C8orf82: variants seen among roughly 807,000 people sequenced by gnomAD.
The protein encoded by C8orf82 is chromosome 8 open reading frame 82.
C8orf82 carries 24 observed loss-of-function variants against 15.0 expected under a neutral mutation model. The observed-to-expected ratio is 1.60, with a 90% CI of 1.16 to 2.24. The LOEUF (loss-of-function observed/expected upper bound fraction) is 2.24, where lower values mean the gene tolerates loss of function less well. Ranked by LOEUF, C8orf82 falls within the 30% of genes most tolerant of loss-of-function variation. The probability of loss-of-function intolerance (pLI) is 0.00; values close to 1 mark genes in which losing one functional copy is unlikely to be tolerated. For synonymous variants in C8orf82, 205 were observed against 152.2 expected (o/e 1.35, Z -2.55); for missense variants, 388 against 317.4 (o/e 1.22, Z -1.69).
At position 144,525,740 on chromosome 8, in the gene C8orf82, C is replaced by T. The variant is rs1244494714; in HGVS notation, c.*1602G>A. On this transcript the variant is annotated 3_prime_UTR_variant, in exon 3 of 3. Transcript: ENST00000524821. Reference sequence around the variant, plus strand: ...TCAGGAGCCATGGGTCTGTGCTTCCCATGCCGGTCCCCAGAAAGGTGTCCT... The same window carrying T: ...TCAGGAGCCATGGGTCTGTGCTTCCTATGCCGGTCCCCAGAAAGGTGTCCT... 3.9e-5 allele frequency: 6 copies of T among 152,124 alleles called. No individual in the cohort carries two copies. The South Asian group carries it at 1.0e-3, about 26-fold the overall frequency. The allele number at this position is 152,124 out of a possible 1,614,324, so 9.4% of individuals were successfully genotyped here.
intron 1 of C8orf82, chr8:144,528,382 CA>C: frequency 6.7e-7 from 1 of 1,498,452 alleles, no homozygotes; most frequent in Non-Finnish European, 8.9e-7. Flanking sequence ...CCCGGACATG[CA>C]GCTGCCTTTT....
chr8:144,527,933 G>C (rs1394041131), intron 2 of C8orf82, 91 bp downstream of exon 2: 4 of 1,513,400 alleles, frequency 2.6e-6, no homozygotes, highest in African/African-American at 1.4e-5. Flanking sequence ...CCACTCCTTG[G>C]TGCGCTGGGC....
Position 144,527,357 on chromosome 8 carries a change from C to A in C8orf82, c.636G>T (p.Ala212=). 1 of 1,211,760 alleles carries A rather than the reference C, an allele frequency of 8.3e-7. No homozygotes were observed. The highest frequency in any genetic ancestry group is 1.0e-6 in the Non-Finnish European group (1 of 970,108). 75.1% of individuals were successfully genotyped at this position (1,211,760 alleles called of 1,614,324 possible). Reference sequence around the variant, plus strand: ...TTGGCCCCGCTCAGGGCGACCGAGCCGCGAGCAGCAGCGGGGCCAGGTCCA... The same window carrying A: ...TTGGCCCCGCTCAGGGCGACCGAGCAGCGAGCAGCAGCGGGGCCAGGTCCA... ...LTMDLAPLLL[A]ARSP The change falls in exon 3 of 3, where the codon GCG becomes GCT. Residue 212 remains alanine, a synonymous_variant. Transcript: ENST00000524821.
intron 2 of C8orf82, 47 bp from the exon 3 acceptor site, chr8:144,527,834 C>T: frequency 1.9e-6 from 3 of 1,577,838 alleles, no homozygotes; most frequent in South Asian, 1.1e-5. Flanking sequence ...GCTCCCAAGG[C>T]CTCCGGGCCC....
At position 144,528,767 on chromosome 8, in the gene C8orf82, C is replaced by T. The variant is rs777942397; in HGVS notation, c.150G>A (p.Gln50=). 41 of 1,413,472 alleles carry T rather than the reference C, an allele frequency of 2.9e-5. No individual in the cohort carries two copies. Among genetic ancestry groups the T allele is most frequent in the Non-Finnish European group, 3.5e-5 (38 of 1,080,376 alleles). 87.6% of individuals were successfully genotyped at this position (1,413,472 alleles called of 1,614,324 possible). Residue 50 remains glutamine, a synonymous_variant, in exon 1 of 3, where the codon CAG becomes CAA. Transcript: ENST00000524821. ...CGGCCCTGCCCCCGCCCACCTGGCC[C>T]TGGTGGTCCACGTAGTAGAAATACT... The part of the protein sequence containing the change: ...TREYFYYVDH[Q]GQLFLDDSKM...
In C8orf82 at chr8:144,528,103, C is replaced by T. The variant is rs746842507; in HGVS notation, c.157-31G>A. 13 of 1,610,644 alleles carry T rather than the reference C, an allele frequency of 8.1e-6. No individual in the cohort carries two copies. The South Asian group carries it at 1.3e-4, about 16-fold the overall frequency. On this transcript the variant is annotated intron_variant, in intron 1 of 2. Coordinates refer to ENST00000524821, the MANE Select transcript of C8orf82 (RefSeq NM_001001795.2). ...GATAGAGGGCCAGGCCGTGATAAGTCCCAGCGTGCAGGTGGGGGCGGGGAA... is the reference window on the plus strand; with the variant it reads ...GATAGAGGGCCAGGCCGTGATAAGTTCCAGCGTGCAGGTGGGGGCGGGGAA...
In C8orf82 at chr8:144,527,526, T is replaced by TG; in HGVS notation, c.466dup (p.His156ProfsTer97). On this transcript the variant is annotated frameshift_variant, in exon 3 of 3. Coordinates refer to ENST00000524821, the MANE Select transcript of C8orf82 (RefSeq NM_001001795.2). LOFTEE classifies it high-confidence loss of function. ...GCCGCCCGCACGCTCCGGCGCCGGG[T>TG]GGTACAGGCGCCCGTTGGCGGCCAG... The TG allele has an allele frequency of 7.3e-7, 1 of 1,364,582 alleles. No homozygotes were observed. The highest frequency in any genetic ancestry group is 9.4e-7 in the Non-Finnish European group (1 of 1,065,062). 84.5% of individuals were successfully genotyped at this position (1,364,582 alleles called of 1,614,324 possible). A position where few individuals can be genotyped will look rare whatever the true frequency, so the allele number is the denominator to read the frequency against.
chr8:144,527,536 G>T lies in C8orf82; in HGVS notation c.457C>A (p.Arg153Ser). 7.2e-7 allele frequency: 1 copy of T among 1,388,660 alleles called. No individual in the cohort carries two copies. The highest frequency in any genetic ancestry group is 9.3e-7 in the Non-Finnish European group (1 of 1,078,476). The allele number at this position is 1,388,660 out of a possible 1,614,324, so 86.0% of individuals were successfully genotyped here. Residue 153 changes from arginine to serine, a missense_variant, in exon 3 of 3, where the codon CGC becomes AGC. Transcript: ENST00000524821. ...CGCTCCGGCGCCGGGTGGTACAGGC[G>T]CCCGTTGGCGGCCAGGGGCAGCAGG... ...ARLLPLAANG[R>S]LYHPAPERAG...
chr8:144,528,708 C>CCCCCCCCCAA, intron 1 of C8orf82, 53 bp downstream of exon 1: 1 of 771,044 alleles, frequency 1.3e-6, no homozygotes, highest in Non-Finnish European at 1.7e-6. Context: ...CCCGCCCCGC[C>CCCCCCCCCAA]CAGAGACCTC....
chr8:144,527,463 C>G lies in C8orf82; in HGVS notation c.530G>C (p.Ser177Thr). 1 of 1,247,394 alleles carries G rather than the reference C, an allele frequency of 8.0e-7. No homozygotes were observed. Among genetic ancestry groups the G allele is most frequent in the Non-Finnish European group, 1.0e-6 (1 of 994,460 alleles). The allele number at this position is 1,247,394 out of a possible 1,614,324, so 77.3% of individuals were successfully genotyped here. A position where few individuals can be genotyped will look rare whatever the true frequency, so the allele number is the denominator to read the frequency against. ...GCCGGGCCCGTACTCGAAGCAGGCG[C>G]TGAGCTCGAAGGCCAGGGCGGAGCG... ...LVRSALAFEL[S>T]ACFEYGPGAP... The change falls in exon 3 of 3, where the codon AGC (serine) becomes ACC (threonine). Residue 177 changes from serine to threonine, a missense_variant. Physicochemically the swap from Ser to Thr is moderately conservative, Grantham distance 58. Transcript: ENST00000524821.
Position 144,526,193 on chromosome 8 carries a change from G to A in C8orf82, c.*1149C>T, listed in dbSNP as rs551306980. 1 of 152,360 alleles carries A rather than the reference G, an allele frequency of 6.6e-6. No homozygotes were observed. The highest frequency in any genetic ancestry group is 1.9e-4 in the East Asian group (1 of 5,190). The allele number at this position is 152,360 out of a possible 1,614,324, so 9.4% of individuals were successfully genotyped here. ...TCTTGCCCTAAATTGTAACTCACAT[G>A]ATTATTTAAAGTCACTAGAAATAAG... On this transcript the variant is annotated 3_prime_UTR_variant, in exon 3 of 3. Transcript: ENST00000524821.
At position 144,527,887 on chromosome 8, in the gene C8orf82, T is replaced by C. The variant is rs2721143; in HGVS notation, c.206-100A>G. On this transcript the variant is annotated intron_variant, in intron 2 of 2. Coordinates refer to ENST00000524821, the MANE Select transcript of C8orf82 (RefSeq NM_001001795.2). ...AGGCGCCGACGGTAAGAGGTTCGCC[T>C]GGCCTCACTCAGCGGGGCTCCTGAG... 24,499 of 1,518,172 alleles carry C rather than the reference T, an allele frequency of 0.016. 2,875 individuals are homozygous for C. In the African/African-American group the frequency reaches 0.27, roughly 17 times the overall value. 94.0% of individuals were successfully genotyped at this position (1,518,172 alleles called of 1,614,324 possible).
Position 144,527,293 on chromosome 8 carries a change from G to T in C8orf82, c.*49C>A. The T allele has an allele frequency of 1.8e-6, 2 of 1,128,942 alleles. No homozygotes were observed. The highest frequency in any genetic ancestry group is 1.6e-5 in the African/African-American group (1 of 60,860). The allele number at this position is 1,128,942 out of a possible 1,614,324, so 69.9% of individuals were successfully genotyped here. On this transcript the variant is annotated 3_prime_UTR_variant, in exon 3 of 3. Coordinates refer to ENST00000524821, the MANE Select transcript of C8orf82 (RefSeq NM_001001795.2). ...CTTTCCGGGGCGTGGAGTCCCGGGG[G>T]AGCGGGGCGAGAGGCGCCCGCGGCC...
intron 2 of C8orf82, 73 bp from the exon 3 acceptor site, chr8:144,527,860 G>A: frequency 3.9e-6 from 6 of 1,552,902 alleles, no homozygotes; most frequent in Non-Finnish European, 5.3e-6. Context: ...CATACCGAGG[G>A]CAGGCGCCGA....
At position 144,526,120 on chromosome 8, in the gene C8orf82, T is replaced by C. The variant is rs527407619; in HGVS notation, c.*1222A>G. The C allele has an allele frequency of 6.6e-6, 1 of 152,316 alleles. No individual in the cohort carries two copies. Among genetic ancestry groups the C allele is most frequent in the Admixed American group, 6.5e-5 (1 of 15,298 alleles). The allele number at this position is 152,316 out of a possible 1,614,324, so 9.4% of individuals were successfully genotyped here. On this transcript the variant is annotated 3_prime_UTR_variant, in exon 3 of 3. Coordinates refer to ENST00000524821, the MANE Select transcript of C8orf82 (RefSeq NM_001001795.2). ...TGCCTGTCCATCAGCTCTTCCTCCTTTCGAGTCATGTGGAAAGGGACAGGA... is the reference window on the plus strand; with the variant it reads ...TGCCTGTCCATCAGCTCTTCCTCCTCTCGAGTCATGTGGAAAGGGACAGGA...
Position 144,527,675 on chromosome 8 carries a change from G to C in C8orf82, c.318C>G (p.Arg106=), listed in dbSNP as rs774939404. 1.9e-6 allele frequency: 3 copies of C among 1,566,778 alleles called. No individual in the cohort carries two copies. Among genetic ancestry groups the C allele is most frequent in the South Asian group, 2.3e-5 (2 of 86,918 alleles). ...TGAAGACCACCGGCCGGTCCTCGCA[G>C]CGCAGGAAGTTGCGCTCTCTGCCGC... ...SPCGRERNFL[R]CEDRPVVFTH... Residue 106 remains arginine (R), a synonymous_variant, in exon 3 of 3, where the codon CGC becomes CGG. Transcript: ENST00000524821.
At position 144,529,098 on chromosome 8, in the gene C8orf82, CGT is replaced by C; in HGVS notation, c.-184_-183del. ...TCGCCCGCCCTGGCCTTCCGAGAGGCGTGTGCCGGTGACGCCCCTTCCGGTCC... is the reference window on the plus strand; with the variant it reads ...TCGCCCGCCCTGGCCTTCCGAGAGGCGTGCCGGTGACGCCCCTTCCGGTCC... On this transcript the variant is annotated 5_prime_UTR_variant, in exon 1 of 3. Coordinates refer to ENST00000524821, the MANE Select transcript of C8orf82 (RefSeq NM_001001795.2). 1 of 543,136 alleles carries C rather than the reference CGT, an allele frequency of 1.8e-6. No individual in the cohort carries two copies. The highest frequency in any genetic ancestry group is 2.9e-6 in the Non-Finnish European group (1 of 341,024). The allele number at this position is 543,136 out of a possible 1,614,324, so 33.6% of individuals were successfully genotyped here.
intron 2 of C8orf82, 46 bp downstream of exon 2, chr8:144,527,978 C>T (rs200345492): frequency 4.8e-4 from 772 of 1,601,402 alleles, no homozygotes; most frequent in Middle Eastern, 1.8e-3. Context: ...TCAGGGGCTG[C>T]CCGGAAGGGA....
rs563293577 is a variant in C8orf82, at chr8:144,529,027, G to A, written c.-111C>T. ...TCGCGTTCCGGCGGCGCCCGCCTCC[G>A]CGACCCGGGCCCGGCGCTCTTCCCT... is the stretch of plus-strand genomic sequence containing the variant. On this transcript the variant is annotated 5_prime_UTR_variant, in exon 1 of 3. Coordinates refer to ENST00000524821, the MANE Select transcript of C8orf82 (RefSeq NM_001001795.2). 2.6e-6 allele frequency: 3 copies of A among 1,146,072 alleles called. No individual in the cohort carries two copies. Among genetic ancestry groups the A allele is most frequent in the African/African-American group, 1.7e-5 (1 of 60,478 alleles). The allele number at this position is 1,146,072 out of a possible 1,614,324, so 71.0% of individuals were successfully genotyped here. A position where few individuals can be genotyped will look rare whatever the true frequency, so the allele number is the denominator to read the frequency against.
Sources: gnomAD v4.1 joint callset for allele counts on GRCh38, gnomAD v4.1.1 for gene constraint, MANE v1.5 for transcripts, NCBI Gene and HGNC (gene_info 2026-07-23, HGNC 2026-07-21) for gene names.